The following MACROD2 variants were observed in gnomAD, a reference collection of about 807,000 sequenced individuals.
The protein encoded by MACROD2 is ADP-ribose glycohydrolase MACROD2.
Under a neutral mutation model 70.4 loss-of-function variants are expected in MACROD2, and 36 were observed. That is an observed-to-expected ratio of 0.51 (90% CI 0.39 to 0.68). The LOEUF (loss-of-function observed/expected upper bound fraction) is 0.68. Ranked by LOEUF, MACROD2 falls within the 30% of genes least tolerant of loss-of-function variation. The pLI, the probability that MACROD2 is intolerant of heterozygous loss-of-function variation, is 0.00. For missense variants in MACROD2, 496 were observed against 538.4 expected, an observed-to-expected ratio of 0.92 and a Z score of 0.78; for synonymous variants, 172 against 178.8, an observed-to-expected ratio of 0.96 and a Z score of 0.30.
intron 3 of MACROD2, among the ~76,000 whole-genome samples, chr20:14,090,899 A>T (rs1188749967): frequency 6.6e-6 from 1 of 152,056 alleles, no homozygotes; most frequent in African/African-American, 2.4e-5. Flanking sequence ...CTGCATCCTC[A>T]CCAACACTTG....
At chr20:15,956,488 C>T (rs897986542) in intron 12 of MACROD2, among the ~76,000 whole-genome samples, 1 of 152,210 alleles carries the variant, frequency 6.6e-6, no homozygotes, top group African/African-American at 2.4e-5. Context: ...ATGTTAGAGG[C>T]TGCTCTCTCT....
chr20:15,347,926 C>T (rs1054344621), intron 6 of MACROD2, among the ~76,000 whole-genome samples: 2 of 152,140 alleles, frequency 1.3e-5, no homozygotes, highest in Non-Finnish European at 1.5e-5. Context: ...AGACATGAAC[C>T]TTGTAGATGG....
chr20:15,741,554 G>T (rs571804323), intron 8 of MACROD2, among the ~76,000 whole-genome samples: 13 of 152,020 alleles, frequency 8.6e-5, no homozygotes, highest in African/African-American at 3.1e-4. Flanking sequence ...TGATATGCAC[G>T]TGGCTACTCC....
At chr20:14,627,042 T>G (rs186849589) in intron 4 of MACROD2, 1 of 152,298 alleles carries the variant, frequency 6.6e-6, no homozygotes, top group Admixed American at 6.5e-5. Context: ...CCCACTAACT[T>G]TCCTCTTGTA....
chr20:14,438,501 A>G (rs1261978309), intron 3 of MACROD2, among the ~76,000 whole-genome samples: 1 of 152,168 alleles, frequency 6.6e-6, no homozygotes, highest in Non-Finnish European at 1.5e-5. Context: ...ATTTTCCATA[A>G]TGGCTGTAGC....
At chr20:15,990,408 G>A (rs6080076) in intron 15 of MACROD2, among the ~76,000 whole-genome samples, 70,470 of 151,948 alleles carry the variant, frequency 0.46, 19,607 homozygotes, top group Non-Finnish European at 0.61. Context: ...TATCAACATC[G>A]AGTTATTATT....
intron 3 of MACROD2, among the ~76,000 whole-genome samples, chr20:14,359,952 C>T (rs927121858): frequency 1.3e-5 from 2 of 152,026 alleles, no homozygotes; most frequent in African/African-American, 4.8e-5. Context: ...TCATTTGCAA[C>T]AGCATGGATT....
At chr20:15,599,224 C>CA (rs74553658) in intron 8 of MACROD2, among the ~76,000 whole-genome samples, 1,678 of 131,990 alleles carry the variant, frequency 0.013, 22 homozygotes, top group African/African-American at 0.035. Context: ...TACTAAAATA[C>CA]AAAAAAAAAA....
At position 15,652,554 on chromosome 20, in the gene MACROD2, A is replaced by T. The variant is rs6043413; in HGVS notation, c.645+152707A>T. Among the ~76,000 whole-genome samples the T allele has an allele frequency of 4.5e-4, 68 of 152,320 alleles. 1 individual carries two copies. The highest frequency in any genetic ancestry group is 1.6e-3 in the African/African-American group (66 of 41,572). On this transcript the variant is annotated intron_variant, in intron 8 of 17. Coordinates refer to ENST00000684519, the MANE Select transcript of MACROD2 (RefSeq NM_001351661.2). ...GGTTCACTAACTAGCTGGGTGACTT[A>T]TTTCTATGTCAGCCTTGCAGTGGAC...
At chr20:15,856,919 C>T (rs541814168) in intron 8 of MACROD2, among the ~76,000 whole-genome samples, 1 of 152,066 alleles carries the variant, frequency 6.6e-6, no homozygotes, top group African/African-American at 2.4e-5. Flanking sequence ...AAAAGTTCAT[C>T]GAAAAAGAAG....
chr20:14,218,258 T>A (rs182047217), intron 3 of MACROD2, among the ~76,000 whole-genome samples: 1 of 152,358 alleles, frequency 6.6e-6, no homozygotes, highest in Admixed American at 6.5e-5. Context: ...CTTTTACTGT[T>A]ATATAATGTC....
rs191437467 is a variant in MACROD2, at chr20:15,146,705, C to G, written c.419-83235C>G. ...TGACGAACTTCATCTGTACACCTGACTTTTCATTCCTATATTTTAGAAAAG... is the reference window on the plus strand; with the variant it reads ...TGACGAACTTCATCTGTACACCTGAGTTTTCATTCCTATATTTTAGAAAAG... On this transcript the variant is annotated intron_variant, in intron 5 of 17. Transcript: ENST00000684519. Among the ~76,000 whole-genome samples the G allele has an allele frequency of 7.2e-5, 11 of 152,228 alleles. No individual in the cohort carries two copies. In the East Asian group the frequency reaches 1.9e-3, roughly 27 times the overall value.
intron 3 of MACROD2, among the ~76,000 whole-genome samples, chr20:14,165,497 C>T (rs1057364602): frequency 6.6e-6 from 1 of 152,140 alleles, no homozygotes; most frequent in Non-Finnish European, 1.5e-5. Context: ...GTGTGATTAA[C>T]TACTTGCTAT....
At chr20:14,388,237 C>T (rs978489441) in intron 3 of MACROD2, among the ~76,000 whole-genome samples, 2 of 152,050 alleles carry the variant, frequency 1.3e-5, no homozygotes, top group Non-Finnish European at 1.5e-5. Context: ...TGGTCTCGAT[C>T]TCCTGACTTC....
chr20:14,771,814 T>G (rs1156820011), intron 5 of MACROD2, among the ~76,000 whole-genome samples: 2 of 151,980 alleles, frequency 1.3e-5, no homozygotes, highest in Non-Finnish European at 2.9e-5. Context: ...TATATGTATG[T>G]GTGTTTGTGT....
intron 6 of MACROD2, among the ~76,000 whole-genome samples, chr20:15,411,170 A>G (rs1023411995): frequency 2.0e-5 from 3 of 149,850 alleles, no homozygotes; most frequent in African/African-American, 7.6e-5. Context: ...ACACACACAC[A>G]CACACACACA....
chr20:14,903,815 C>T (rs187943404), intron 5 of MACROD2, among the ~76,000 whole-genome samples: 1 of 152,250 alleles, frequency 6.6e-6, no homozygotes, highest in East Asian at 1.9e-4. Flanking sequence ...GAGGCTTTCC[C>T]ACTATCAGTG....
intron 5 of MACROD2, among the ~76,000 whole-genome samples, chr20:15,032,338 C>T (rs2075282144): frequency 6.6e-6 from 1 of 152,224 alleles, no homozygotes; most frequent in South Asian, 2.1e-4. Flanking sequence ...CCGTCGGCTC[C>T]GCACGCTGCC....
intron 8 of MACROD2, among the ~76,000 whole-genome samples, chr20:15,792,939 G>A (rs747578640): frequency 3.3e-5 from 5 of 152,104 alleles, no homozygotes; most frequent in African/African-American, 4.8e-5. Flanking sequence ...AACCATTAAG[G>A]TATATGGCAC....
Sources: allele counts gnomAD v4.1 joint callset (sites outside exome capture counted in the v4.1 genomes callset), GRCh38; gene constraint gnomAD v4.1.1; transcripts MANE v1.5; gene names NCBI Gene and HGNC (gene_info 2026-07-23, HGNC 2026-07-21).